YAP1: variants seen among roughly 807,000 people sequenced by gnomAD.
The protein encoded by YAP1 is transcriptional coactivator YAP1.
Under a neutral mutation model 56.9 loss-of-function variants are expected in YAP1, and 5 were observed. The ratio of observed to expected loss-of-function variants is 0.09; its 90% CI spans 0.05 to 0.18. YAP1 has a LOEUF of 0.18. YAP1 is among the 10% of genes least tolerant of loss of function. The pLI, the probability that YAP1 is intolerant of heterozygous loss-of-function variation, is 1.00. For synonymous variants in YAP1, 265 were observed against 248.1 expected (o/e 1.07, Z -0.64); for missense variants, 539 against 651.8 (o/e 0.83, Z 1.88).
chr11:102,162,162 T>C (rs1257514295), intron 2 of YAP1, among the ~76,000 whole-genome samples: 4 of 152,212 alleles, frequency 2.6e-5, no homozygotes, highest in Admixed American at 2.6e-4. Context: ...CATTGTATCT[T>C]TGCATTAGAA....
intron 4 of YAP1, among the ~76,000 whole-genome samples, chr11:102,188,360 G>T (rs932834593): frequency 6.6e-6 from 1 of 152,144 alleles, no homozygotes; most frequent in African/African-American, 2.4e-5. Flanking sequence ...TAAGCCCCTA[G>T]AGAAGCTTAA....
intron 4 of YAP1, among the ~76,000 whole-genome samples, chr11:102,188,433 T>C (rs1157458896): frequency 6.6e-6 from 1 of 152,248 alleles, no homozygotes; most frequent in Non-Finnish European, 1.5e-5. Context: ...AGATTAATTA[T>C]AGTTAGAATA....
At chr11:102,181,733 A>G (rs1189455624) in intron 3 of YAP1, among the ~76,000 whole-genome samples, 1 of 152,250 alleles carries the variant, frequency 6.6e-6, no homozygotes, top group East Asian at 1.9e-4. Context: ...ACTGCCTAAA[A>G]TGAATAGATG....
intron 2 of YAP1, among the ~76,000 whole-genome samples, chr11:102,127,983 C>T (rs1944137478): frequency 6.6e-6 from 1 of 152,166 alleles, no homozygotes; most frequent in Non-Finnish European, 1.5e-5. Context: ...TTCAGAATGG[C>T]TGTATTTACC....
At chr11:102,118,451 T>C (rs1192086398) in intron 2 of YAP1, among the ~76,000 whole-genome samples, 1 of 125,092 alleles carries the variant, frequency 8.0e-6, no homozygotes. Flanking sequence ...GGCTGATTCT[T>C]TTTTCTTTCT....
intron 3 of YAP1, among the ~76,000 whole-genome samples, chr11:102,174,730 G>A (rs1947133264): frequency 6.6e-6 from 1 of 152,162 alleles, no homozygotes; most frequent in African/African-American, 2.4e-5. Context: ...GCAGTGCTAA[G>A]TCCTAGGGAT....
In YAP1 at chr11:102,229,949, G is replaced by C; in HGVS notation, c.*9G>C. 6.2e-7 allele frequency: 1 copy of C among 1,609,616 alleles called. No homozygotes were observed. Among genetic ancestry groups the C allele is most frequent in the Non-Finnish European group, 8.5e-7 (1 of 1,176,162 alleles). ...TTCTTACATGGTTATAGAGCCCTCAGGCAGACTGAATTCTAAATCTGTGAA... is the reference window on the plus strand; with the variant it reads ...TTCTTACATGGTTATAGAGCCCTCACGCAGACTGAATTCTAAATCTGTGAA... On this transcript the variant is annotated 3_prime_UTR_variant, in exon 9 of 9. Coordinates refer to ENST00000282441, the MANE Select transcript of YAP1 (RefSeq NM_001130145.3).
chr11:102,140,798 G>A (rs988213567), intron 2 of YAP1, among the ~76,000 whole-genome samples: 27 of 151,860 alleles, frequency 1.8e-4, no homozygotes, highest in African/African-American at 1.2e-4. Flanking sequence ...AGCTGAGATC[G>A]TGCTGTTTCA....
At chr11:102,155,646 T>C (rs981494019) in intron 2 of YAP1, among the ~76,000 whole-genome samples, 2 of 152,228 alleles carry the variant, frequency 1.3e-5, no homozygotes, top group Non-Finnish European at 2.9e-5. Flanking sequence ...AAGAAGCGTT[T>C]AGTGTGGATT....
rs147594569 is a variant in YAP1 at position 102,117,530 on chromosome 11, T to C, written c.572+3136T>C. Among the ~76,000 whole-genome samples, 6 of 152,344 alleles carry C rather than the reference T, an allele frequency of 3.9e-5. No individual in the cohort carries two copies. In the East Asian group the frequency reaches 1.2e-3, roughly 29 times the overall value. ...AACCCAGTTGTTGGCCTTGTGACCA[T>C]AGATGATTGAGTTTTTGAAGTTAGT... is the stretch of plus-strand genomic sequence containing the variant. On this transcript the variant is annotated intron_variant, in intron 2 of 8. Transcript: ENST00000282441.
intron 5 of YAP1, among the ~76,000 whole-genome samples, chr11:102,207,418 A>G (rs924609893): frequency 1.3e-5 from 2 of 151,840 alleles, no homozygotes; most frequent in African/African-American, 2.4e-5. Context: ...TCGGCCAGGC[A>G]TGGTGGCTCA....
intron 2 of YAP1, among the ~76,000 whole-genome samples, chr11:102,133,961 ACACACTGT>A (rs1944523450): frequency 6.6e-6 from 1 of 152,170 alleles, no homozygotes; most frequent in Non-Finnish European, 1.5e-5. Flanking sequence ...GTAAGAAAAT[ACACACTGT>A]CATGTCATTT....
rs953227495 is a variant in YAP1 at position 102,233,249 on chromosome 11, T to C, written c.*3309T>C. The C allele has an allele frequency of 1.3e-5, 2 of 152,224 alleles. No homozygotes were observed. The highest frequency in any genetic ancestry group is 6.5e-5 in the Admixed American group (1 of 15,276). 9.4% of individuals were successfully genotyped at this position (152,224 alleles called of 1,614,324 possible). ...TGTTTTATATTAGAGAATTCTTTAA[T>C]GCACACTTGTCAAATATATATATAT... On this transcript the variant is annotated 3_prime_UTR_variant, in exon 9 of 9. Transcript: ENST00000282441.
intron 2 of YAP1, among the ~76,000 whole-genome samples, chr11:102,115,796 G>T (rs1210238716): frequency 6.6e-6 from 1 of 152,148 alleles, no homozygotes; most frequent in Non-Finnish European, 1.5e-5. Context: ...TGAAGGATGT[G>T]TCTTGAAGGG....
intron 3 of YAP1, among the ~76,000 whole-genome samples, chr11:102,184,216 A>G (rs1286407734): frequency 6.6e-6 from 1 of 152,158 alleles, no homozygotes; most frequent in African/African-American, 2.4e-5. Flanking sequence ...TAAAAATTTT[A>G]AATACAGTTA....
chr11:102,111,832 C>T (rs1251463013), intron 1 of YAP1, among the ~76,000 whole-genome samples: 1 of 151,430 alleles, frequency 6.6e-6, no homozygotes, highest in Non-Finnish European at 1.5e-5. Flanking sequence ...CCTCCCGTTT[C>T]CCCTCCCCCT....
At chr11:102,133,247 A>C (rs2135243149) in intron 2 of YAP1, among the ~76,000 whole-genome samples, 1 of 152,350 alleles carries the variant, frequency 6.6e-6, no homozygotes, top group African/African-American at 2.4e-5. Context: ...GACAATTCTT[A>C]CTAAGCTCTA....
chr11:102,165,027 T>C (rs1388132625), intron 3 of YAP1, among the ~76,000 whole-genome samples: 4 of 152,184 alleles, frequency 2.6e-5, no homozygotes, highest in East Asian at 3.9e-4. Flanking sequence ...CCAGCCGGTT[T>C]TAGTGGGTTT....
rs572582986 is a variant in YAP1 at position 102,197,089 on chromosome 11, ATTAG to A, written c.803-8801_803-8798del. Among the ~76,000 whole-genome samples the A allele has an allele frequency of 7.9e-5, 12 of 152,276 alleles. No individual in the cohort carries two copies. The South Asian group carries it at 2.5e-3, about 32-fold the overall frequency. The stretch of plus-strand genomic sequence containing the variant: ...CTGCTTTAAGACCCACAGATGGCCT[ATTAG>A]TTTGTGTTTTTAGAAGAACATTAAT... On this transcript the variant is annotated intron_variant, in intron 4 of 8. Transcript: ENST00000282441.
Sources: allele counts gnomAD v4.1 joint callset (sites outside exome capture counted in the v4.1 genomes callset), GRCh38; gene constraint gnomAD v4.1.1; transcripts MANE v1.5; gene names NCBI Gene and HGNC (gene_info 2026-07-23, HGNC 2026-07-21).